Variants in ZNF385B observed in about 807,000 individuals in gnomAD.
ZNF385B encodes zinc finger protein 385B.
Under a neutral mutation model 39.2 loss-of-function variants are expected in ZNF385B, and 23 were observed. That is an observed-to-expected ratio of 0.59 (90% CI 0.42 to 0.83). The LOEUF is 0.83. Among genes scored for constraint, ZNF385B ranks in the 40% least tolerant of loss-of-function variants. The pLI, the probability that ZNF385B is intolerant of heterozygous loss-of-function variation, is 0.00. For missense variants in ZNF385B, 552 were observed against 598.9 expected, an observed-to-expected ratio of 0.92 and a Z score of 0.82; for synonymous variants, 205 against 222.6, an observed-to-expected ratio of 0.92 and a Z score of 0.70.
At chr2:179,667,239 C>T (rs1027974263) in intron 3 of ZNF385B, among the ~76,000 whole-genome samples, 27 of 152,018 alleles carry the variant, frequency 1.8e-4, no homozygotes, top group African/African-American at 6.5e-4. Context: ...AGTAATGCAA[C>T]AAAATAATTT....
At chr2:179,523,811 T>C (rs2058678819) in intron 4 of ZNF385B, among the ~76,000 whole-genome samples, 1 of 152,168 alleles carries the variant, frequency 6.6e-6, no homozygotes, top group African/African-American at 2.4e-5. Flanking sequence ...ATTTATTTTA[T>C]TCTCAGAGAC....
chr2:179,614,719 A>G (rs1689588009), intron 3 of ZNF385B, among the ~76,000 whole-genome samples: 1 of 152,196 alleles, frequency 6.6e-6, no homozygotes, highest in East Asian at 1.9e-4. Flanking sequence ...CCTACTCTTA[A>G]AAGCTTGGTC....
intron 3 of ZNF385B, among the ~76,000 whole-genome samples, chr2:179,740,407 C>T (rs1277742050): frequency 1.3e-5 from 2 of 152,146 alleles, no homozygotes; most frequent in Non-Finnish European, 2.9e-5. Flanking sequence ...TAGGTGTTCC[C>T]TGGGGGAGGC....
chr2:179,857,640 C>T (rs1233381937), intron 1 of ZNF385B, among the ~76,000 whole-genome samples: 1 of 152,102 alleles, frequency 6.6e-6, no homozygotes, highest in Non-Finnish European at 1.5e-5. Flanking sequence ...GACTCTATGA[C>T]GATGCCTCAG....
chr2:179,504,517 T>C (rs1394661011), intron 5 of ZNF385B, among the ~76,000 whole-genome samples: 1 of 152,060 alleles, frequency 6.6e-6, no homozygotes, highest in African/African-American at 2.4e-5. Flanking sequence ...TTCCTATTTC[T>C]CCACATCCTC....
At chr2:179,658,167 G>T (rs1694010632) in intron 3 of ZNF385B, among the ~76,000 whole-genome samples, 1 of 152,172 alleles carries the variant, frequency 6.6e-6, no homozygotes, top group Non-Finnish European at 1.5e-5. Context: ...TTCTTTGAAG[G>T]TCATGAAACA....
intron 3 of ZNF385B, among the ~76,000 whole-genome samples, chr2:179,750,915 T>G (rs564050107): frequency 6.6e-6 from 1 of 152,076 alleles, no homozygotes; most frequent in East Asian, 1.9e-4. Flanking sequence ...AAAAATTAAG[T>G]GAAAGCAAGC....
In ZNF385B at chr2:179,812,425, C is replaced by T. The variant is rs537047005; in HGVS notation, c.-154-41753G>A. On this transcript the variant is annotated intron_variant, in intron 1 of 9. Coordinates refer to ENST00000410066, the MANE Select transcript of ZNF385B (RefSeq NM_152520.6). ...ATCAGTGGTGGACTGGATAAAGAAA[C>T]GCGGTACACATACATCATGGAATAC... 2.3e-4 allele frequency among the ~76,000 whole-genome samples: 35 copies of T among 152,182 alleles called. No individual in the cohort carries two copies. In the South Asian group the frequency reaches 6.8e-3, roughly 30 times the overall value.
intron 1 of ZNF385B, among the ~76,000 whole-genome samples, chr2:179,789,212 A>G (rs953549489): frequency 1.3e-5 from 2 of 152,158 alleles, no homozygotes; most frequent in Admixed American, 1.3e-4. Context: ...CCTAAGTGTA[A>G]TTGTTAAATC....
chr2:179,694,697 A>G (rs1402059912), intron 3 of ZNF385B, among the ~76,000 whole-genome samples: 1 of 152,176 alleles, frequency 6.6e-6, no homozygotes, highest in Non-Finnish European at 1.5e-5. Context: ...TGGGAGGTCA[A>G]GGTAGGCAGA....
intron 3 of ZNF385B, among the ~76,000 whole-genome samples, chr2:179,620,214 T>C (rs1011525848): frequency 1.1e-4 from 17 of 152,180 alleles, no homozygotes; most frequent in African/African-American, 4.1e-4. Context: ...CCTGTTCATC[T>C]AGCTGATTGA....
chr2:179,650,808 T>G (rs897155953), intron 3 of ZNF385B, among the ~76,000 whole-genome samples: 2 of 152,178 alleles, frequency 1.3e-5, no homozygotes, highest in Admixed American at 6.5e-5. Flanking sequence ...TTTCTTTGAT[T>G]CAATGTGTCA....
chr2:179,643,594 A>G (rs1692456638), intron 3 of ZNF385B, among the ~76,000 whole-genome samples: 1 of 152,164 alleles, frequency 6.6e-6, no homozygotes, highest in Admixed American at 6.5e-5. Context: ...GTTTGTGCTG[A>G]GCAAAAGAGG....
At position 179,534,806 on chromosome 2, in the gene ZNF385B, T is replaced by C. The variant is rs113142050; in HGVS notation, c.441+10021A>G. On this transcript the variant is annotated intron_variant, in intron 4 of 9. Coordinates refer to ENST00000410066, the MANE Select transcript of ZNF385B (RefSeq NM_152520.6). ...GAAGTTTACTTTAGAACAAAGTAAG[T>C]AGAGTTACTTTTCTGAGGTCCCAAA... 8.4e-3 allele frequency: 1,277 copies of C among 152,264 alleles called. 14 individuals carry two copies. The highest frequency in any genetic ancestry group is 0.017 in the African/African-American group (719 of 41,552). 9.4% of individuals were successfully genotyped at this position (152,264 alleles called of 1,614,324 possible). A position where few individuals can be genotyped will look rare whatever the true frequency, so the allele number is the denominator to read the frequency against.
At chr2:179,589,052 G>T (rs1687339286) in intron 3 of ZNF385B, among the ~76,000 whole-genome samples, 1 of 152,074 alleles carries the variant, frequency 6.6e-6, no homozygotes, top group African/African-American at 2.4e-5. Context: ...TCTATTATCT[G>T]AAACTGTTTC....
At position 179,443,415 on chromosome 2, in the gene ZNF385B, C is replaced by G. The variant is rs1461617615; in HGVS notation, c.1296G>C (p.Leu432=). 2 of 1,611,408 alleles carry G rather than the reference C, an allele frequency of 1.2e-6. No individual in the cohort carries two copies. The highest frequency in any genetic ancestry group is 1.7e-6 in the Non-Finnish European group (2 of 1,179,014). ...DMMKPLAPAF[L]SSPLAAAAAV... ...CTGCCGCCGCTGCGAGAGGTGAGGA[C>G]AGGAAGGCTGGGGCCAAAGGCTTCA... is the stretch of plus-strand genomic sequence containing the variant. The change falls in exon 10 of 10, where the codon CTG becomes CTC. Residue 432 remains leucine, a synonymous_variant. Coordinates refer to ENST00000410066, the MANE Select transcript of ZNF385B (RefSeq NM_152520.6).
At chr2:179,725,455 A>C (rs1487563568) in intron 3 of ZNF385B, among the ~76,000 whole-genome samples, 1 of 151,916 alleles carries the variant, frequency 6.6e-6, no homozygotes, top group African/African-American at 2.4e-5. Flanking sequence ...ATGAATATAT[A>C]TATACACACA....
At chr2:179,659,020 G>A (rs1040206082) in intron 3 of ZNF385B, among the ~76,000 whole-genome samples, 2 of 152,050 alleles carry the variant, frequency 1.3e-5, no homozygotes, top group African/African-American at 4.8e-5. Context: ...CAGGTGATCC[G>A]CCTGCCTCAG....
intron 3 of ZNF385B, among the ~76,000 whole-genome samples, chr2:179,761,092 A>ATCTC (rs149505417): frequency 3.5e-3 from 519 of 150,346 alleles, no homozygotes; most frequent in South Asian, 7.8e-3. Context: ...AGTCTTTTTC[A>ATCTC]TCTCTCTCTC....
Sources: allele counts gnomAD v4.1 joint callset (sites outside exome capture counted in the v4.1 genomes callset), GRCh38; gene constraint gnomAD v4.1.1; transcripts MANE v1.5; gene names NCBI Gene and HGNC (gene_info 2026-07-23, HGNC 2026-07-21).